NXN: variants seen among roughly 807,000 people sequenced by gnomAD.
NXN encodes the protein nucleoredoxin 1.
In NXN, 16 loss-of-function variants were observed where a neutral mutation model predicts 48.6. The ratio of observed to expected loss-of-function variants is 0.33; its 90% confidence interval spans 0.22 to 0.50. NXN has a LOEUF of 0.50. Ranked by LOEUF, NXN falls within the 20% of genes least tolerant of loss-of-function variation. The probability of loss-of-function intolerance (pLI) is 0.98; values close to 1 mark genes in which losing one functional copy is unlikely to be tolerated. For missense variants in NXN, 492 were observed against 605.5 expected (o/e 0.81, Z 1.97); for synonymous variants, 281 against 269.6 (o/e 1.04, Z -0.41).
intron 1 of NXN, among the ~76,000 whole-genome samples, chr17:828,180 T>G (rs977913848): frequency 2.1e-4 from 32 of 152,216 alleles, no homozygotes; most frequent in African/African-American, 7.0e-4. Flanking sequence ...CTTGGCTCAC[T>G]GCAACCTCCA....
At chr17:839,752 G>T (rs532456149) in intron 1 of NXN, among the ~76,000 whole-genome samples, 1 of 145,112 alleles carries the variant, frequency 6.9e-6, no homozygotes, top group Non-Finnish European at 1.5e-5. Flanking sequence ...GCAGTGAATC[G>T]TGATGGTGCC....
chr17:903,663 G>A (rs866828949), intron 1 of NXN, among the ~76,000 whole-genome samples: 34 of 152,202 alleles, frequency 2.2e-4, no homozygotes, highest in Non-Finnish European at 2.6e-4. Flanking sequence ...GATTCCAGGC[G>A]TGAGCCAGGA....
At chr17:908,293 T>G (rs1380510723) in intron 1 of NXN, among the ~76,000 whole-genome samples, 3 of 152,096 alleles carry the variant, frequency 2.0e-5, no homozygotes, top group African/African-American at 7.2e-5. Context: ...TTCCCAGCAC[T>G]TTGGGAGGCT....
chr17:901,539 C>A (rs1343836327), intron 1 of NXN, among the ~76,000 whole-genome samples: 1 of 152,192 alleles, frequency 6.6e-6, no homozygotes, highest in Non-Finnish European at 1.5e-5. Context: ...CCTCCAACAA[C>A]AGTCATGGGA....
chr17:805,571 A>G (rs1031938134), intron 5 of NXN, among the ~76,000 whole-genome samples: 1 of 152,164 alleles, frequency 6.6e-6, no homozygotes, highest in Non-Finnish European at 1.5e-5. Context: ...CAATGAGTTC[A>G]TGCGGTTAAA....
chr17:812,674 GT>G (rs1912161319), intron 5 of NXN, among the ~76,000 whole-genome samples: 1 of 151,274 alleles, frequency 6.6e-6, no homozygotes, highest in East Asian at 1.9e-4. Context: ...GTGTGTGTGA[GT>G]GTAGGTGTGT....
chr17:950,501 GA>G (rs2069097499), intron 1 of NXN, among the ~76,000 whole-genome samples: 3 of 148,498 alleles, frequency 2.0e-5, no homozygotes, highest in Admixed American at 6.7e-5. Context: ...ATCCCCTGTC[GA>G]TTCCCCAAAA....
intron 1 of NXN, among the ~76,000 whole-genome samples, chr17:890,854 A>G (rs889595489): frequency 6.6e-6 from 1 of 152,120 alleles, no homozygotes; most frequent in Admixed American, 6.6e-5. Context: ...TCCCAGGCCT[A>G]TCAGGGGGAT....
At chr17:904,142 T>C (rs2068561193) in intron 1 of NXN, among the ~76,000 whole-genome samples, 1 of 152,242 alleles carries the variant, frequency 6.6e-6, no homozygotes, top group Middle Eastern at 3.2e-3. Context: ...CCAAACTCTG[T>C]CCGTACATGC....
Position 843,064 on chromosome 17 carries a change from A to G in NXN, c.361-16986T>C, listed in dbSNP as rs201725849. On this transcript the variant is annotated intron_variant, in intron 1 of 7. Transcript: ENST00000336868. ...AGAAAGAAAGAAAGAAAGAAGGAAG[A>G]AAGCAAGCAAGCAAGCTGCACCTTC... Among the ~76,000 whole-genome samples, 206 of 137,964 alleles carry G rather than the reference A, an allele frequency of 1.5e-3. 1 individual carries two copies. The highest frequency in any genetic ancestry group is 3.2e-3 in the African/African-American group (118 of 36,676). 90.5% of individuals were successfully genotyped at this position (137,964 alleles called of 152,430 possible).
At chr17:868,431 C>T (rs771154021) in intron 1 of NXN, among the ~76,000 whole-genome samples, 11 of 152,114 alleles carry the variant, frequency 7.2e-5, no homozygotes, top group Non-Finnish European at 7.4e-5. Flanking sequence ...TTAACGCCTT[C>T]GCGCTCCCCA....
At position 963,214 on chromosome 17, in the gene NXN, G is replaced by C. The variant is rs2586300; in HGVS notation, c.360+16105C>G. ...AAAAAAAGGTATAGGTACTGGGACG[G>C]ACACACACACACACACACACACACA... On this transcript the variant is annotated intron_variant, in intron 1 of 7. Coordinates refer to ENST00000336868, the MANE Select transcript of NXN (RefSeq NM_022463.5). Among the ~76,000 whole-genome samples, 166 of 142,934 alleles carry C rather than the reference G, an allele frequency of 1.2e-3. 3 individuals carry two copies. The highest frequency in any genetic ancestry group is 6.3e-3 in the South Asian group (28 of 4,480). 93.8% of individuals were successfully genotyped at this position (142,934 alleles called of 152,430 possible). A position where few individuals can be genotyped will look rare whatever the true frequency, so the allele number is the denominator to read the frequency against.
chr17:896,108 G>C (rs952600441), intron 1 of NXN, among the ~76,000 whole-genome samples: 3 of 152,122 alleles, frequency 2.0e-5, no homozygotes, highest in Non-Finnish European at 2.9e-5. Context: ...GGGAGGCTGA[G>C]GCAGGCGGAT....
intron 1 of NXN, among the ~76,000 whole-genome samples, chr17:941,853 A>C (rs1348723802): frequency 2.7e-3 from 151 of 55,650 alleles, no homozygotes; most frequent in Middle Eastern, 0.018. Context: ...GAATTCACCA[A>C]ACACCTCCCT....
At chr17:813,838 T>A (rs376968858) in intron 5 of NXN, among the ~76,000 whole-genome samples, 1 of 150,630 alleles carries the variant, frequency 6.6e-6, no homozygotes, top group Non-Finnish European at 1.5e-5. Context: ...TAGTGGCAGG[T>A]GCCTATAATC....
chr17:932,911 G>A lies in NXN; in HGVS notation c.360+46408C>T, dbSNP rs1023761483. On this transcript the variant is annotated intron_variant, in intron 1 of 7. Transcript: ENST00000336868. This position sits in a 1 kb window ranked among gnomAD's most constrained non-coding sequence, Gnocchi z 4.1. Reference sequence around the variant, plus strand: ...GATCCGCCCGCCTCGGCCTCCCTCAGTACTGGGATTCCAGGCGTGAGCCAC... The same window carrying A: ...GATCCGCCCGCCTCGGCCTCCCTCAATACTGGGATTCCAGGCGTGAGCCAC... 6.6e-6 allele frequency among the ~76,000 whole-genome samples: 1 copy of A among 151,996 alleles called. No homozygotes were observed. Among genetic ancestry groups the A allele is most frequent in the Non-Finnish European group, 1.5e-5 (1 of 67,984 alleles).
chr17:917,346 T>C lies in NXN; in HGVS notation c.360+61973A>G, dbSNP rs373400130. On this transcript the variant is annotated intron_variant, in intron 1 of 7. Transcript: ENST00000336868. This position sits in a 1 kb window ranked among gnomAD's most constrained non-coding sequence, Gnocchi z 4.5. The stretch of plus-strand genomic sequence containing the variant: ...TTAGTAGAGACGGGGTTTCACCATG[T>C]TGGCCAGGCTGGTCTCAATCTCTTG... 2.2e-4 allele frequency among the ~76,000 whole-genome samples: 33 copies of C among 152,330 alleles called. 1 individual carries two copies. Among genetic ancestry groups the C allele is most frequent in the African/African-American group, 7.7e-4 (32 of 41,592 alleles).
At chr17:889,705 A>G (rs1404449083) in intron 1 of NXN, among the ~76,000 whole-genome samples, 1 of 43,664 alleles carries the variant, frequency 2.3e-5, no homozygotes, top group South Asian at 7.6e-4. Flanking sequence ...AAGAAAAAGA[A>G]AGAAAGAAAG....
intron 1 of NXN, among the ~76,000 whole-genome samples, chr17:911,580 C>T (rs1351035916): frequency 1.3e-5 from 2 of 151,964 alleles, no homozygotes. Flanking sequence ...CCACCCGTCT[C>T]AGCCTCCCAA....
Sources: allele counts gnomAD v4.1 joint callset (sites outside exome capture counted in the v4.1 genomes callset), GRCh38; gene constraint gnomAD v4.1.1; non-coding constraint Gnocchi (gnomAD v3.1); transcripts MANE v1.5; gene names NCBI Gene and HGNC (gene_info 2026-07-23, HGNC 2026-07-21).